MCHR2: variants seen among roughly 807,000 people sequenced by gnomAD.
MCHR2 encodes melanin-concentrating hormone receptor 2.
A neutral mutation model predicts 24.8 loss-of-function variants in MCHR2; 15 were observed. That is an observed-to-expected ratio of 0.60 (90% CI 0.40 to 0.93). The LOEUF (loss-of-function observed/expected upper bound fraction) is 0.93. Ranked by LOEUF, MCHR2 falls within the 40% of genes least tolerant of loss-of-function variation. MCHR2 has a pLI of 0.00. For synonymous variants in MCHR2, 151 were observed against 147.6 expected, an observed-to-expected ratio of 1.02 and a Z score of -0.17; for missense variants, 386 against 408.7, an observed-to-expected ratio of 0.94 and a Z score of 0.48.
At chr6:99,958,982 G>C (rs1295854736) in intron 1 of MCHR2, among the ~76,000 whole-genome samples, 1 of 152,176 alleles carries the variant, frequency 6.6e-6, no homozygotes, top group African/African-American at 2.4e-5. Context: ...TGCTGCTCCA[G>C]AGGACCTGTG....
intron 1 of MCHR2, among the ~76,000 whole-genome samples, chr6:99,989,115 A>C (rs1775819845): frequency 6.6e-6 from 1 of 152,218 alleles, no homozygotes; most frequent in African/African-American, 2.4e-5. Context: ...AGAGGGTCTA[A>C]GATCATATGA....
chr6:99,976,267 T>C (rs1391187813), intron 1 of MCHR2, among the ~76,000 whole-genome samples: 1 of 152,222 alleles, frequency 6.6e-6, no homozygotes, highest in African/African-American at 2.4e-5. Flanking sequence ...AATGATGATA[T>C]AACATCCATT....
intron 2 of MCHR2, among the ~76,000 whole-genome samples, chr6:99,954,705 AG>A (rs1194196912): frequency 6.6e-6 from 1 of 152,168 alleles, no homozygotes; most frequent in Non-Finnish European, 1.5e-5. Context: ...AGTTTAAGAA[AG>A]TGATTGTTTA....
intron 3 of MCHR2, 126 bp downstream of exon 3, chr6:99,947,636 T>C (rs866827852): frequency 4.7e-6 from 4 of 847,982 alleles, no homozygotes; most frequent in Middle Eastern, 6.7e-4. Context: ...TAATCAGTTC[T>C]ACAGTGAAAC....
At chr6:99,987,637 T>A (rs1035394869) in intron 1 of MCHR2, among the ~76,000 whole-genome samples, 1 of 152,134 alleles carries the variant, frequency 6.6e-6, no homozygotes, top group Non-Finnish European at 1.5e-5. Context: ...AAAGTCTGCA[T>A]ACACACACAT....
At chr6:99,967,058 T>TTATACTTTGAAACTTTTTTATAC (rs1426808180) in intron 1 of MCHR2, among the ~76,000 whole-genome samples, 3 of 152,144 alleles carry the variant, frequency 2.0e-5, no homozygotes, top group African/African-American at 7.2e-5. Flanking sequence ...ATAAACTTTT[T>TTATACTTTGAAACTTTTTTATAC]TCTCATTCCT....
Position 99,956,192 on chromosome 6 carries a change from G to A in MCHR2, c.-27-18C>T. 1 of 1,498,546 alleles carries A rather than the reference G, an allele frequency of 6.7e-7. No individual in the cohort carries two copies. The highest frequency in any genetic ancestry group is 9.1e-7 in the Non-Finnish European group (1 of 1,102,802). 92.8% of individuals were successfully genotyped at this position (1,498,546 alleles called of 1,614,324 possible). On this transcript the variant is annotated intron_variant, in intron 1 of 5. Coordinates refer to ENST00000281806, the MANE Select transcript of MCHR2 (RefSeq NM_001040179.2). The stretch of plus-strand genomic sequence containing the variant: ...GATTAAAGCTGTGAAGTAATAGGAA[G>A]TGATTTATTTAGTGAACATTCCCTC...
chr6:99,925,629 C>T (rs943145130), intron 5 of MCHR2, among the ~76,000 whole-genome samples: 43 of 151,686 alleles, frequency 2.8e-4, no homozygotes, highest in Admixed American at 1.9e-3. Flanking sequence ...ATTATTTTAA[C>T]CTGATAACAA....
At chr6:99,932,193 C>T (rs1359134968) in intron 5 of MCHR2, among the ~76,000 whole-genome samples, 1 of 152,084 alleles carries the variant, frequency 6.6e-6, no homozygotes, top group African/African-American at 2.4e-5. Flanking sequence ...CCACTCTCTC[C>T]TGGCATGTAA....
chr6:99,940,676 CTG>C (rs1380387175), intron 4 of MCHR2, among the ~76,000 whole-genome samples: 8 of 151,890 alleles, frequency 5.3e-5, no homozygotes, highest in African/African-American at 1.4e-4. Flanking sequence ...CCAGTCTTCT[CTG>C]TCTGAGTTGT....
intron 4 of MCHR2, among the ~76,000 whole-genome samples, chr6:99,935,247 A>T (rs1002504393): frequency 1.3e-5 from 2 of 152,052 alleles, no homozygotes; most frequent in African/African-American, 4.8e-5. Flanking sequence ...GCTATTTTGA[A>T]ATGTACAATA....
At position 99,919,553 on chromosome 6, in the gene MCHR2, T is replaced by C. The variant is rs1774182490; in HGVS notation, c.*1387A>G. On this transcript the variant is annotated 3_prime_UTR_variant, in exon 6 of 6. Transcript: ENST00000281806. ...GCAAAAATAACAATATTTGTCTTAG[T>C]GTAGAACACAGGCATTAAATGCATT... Among the ~76,000 whole-genome samples the C allele has an allele frequency of 6.6e-6, 1 of 152,198 alleles. No homozygotes were observed. Among genetic ancestry groups the C allele is most frequent in the Admixed American group, 6.5e-5 (1 of 15,280 alleles).
chr6:99,991,833 A>T (rs1188187491), intron 1 of MCHR2, among the ~76,000 whole-genome samples: 1 of 147,954 alleles, frequency 6.8e-6, no homozygotes, highest in African/African-American at 2.5e-5. Context: ...AAAAGAAAAG[A>T]AAAAAGAAAT....
At chr6:99,957,822 A>G (rs563378973) in intron 1 of MCHR2, among the ~76,000 whole-genome samples, 17 of 152,252 alleles carry the variant, frequency 1.1e-4, no homozygotes, top group Admixed American at 1.0e-3. Context: ...AAAAATTATA[A>G]CATTTAACTG....
intron 1 of MCHR2, among the ~76,000 whole-genome samples, chr6:99,987,463 GATTAGTTCTACA>G (rs1278527403): frequency 6.6e-6 from 1 of 151,974 alleles, no homozygotes; most frequent in Non-Finnish European, 1.5e-5. Flanking sequence ...CTTGCTTTAG[GATTAGTTCTACA>G]ATTAAATACA....
chr6:99,992,240 T>A (rs1161302007), intron 1 of MCHR2, among the ~76,000 whole-genome samples: 1 of 152,232 alleles, frequency 6.6e-6, no homozygotes, highest in East Asian at 1.9e-4. Context: ...GACAGTGTCC[T>A]GAGCCATAGT....
intron 1 of MCHR2, among the ~76,000 whole-genome samples, chr6:99,956,855 A>G (rs1318246175): frequency 6.6e-6 from 1 of 152,152 alleles, no homozygotes; most frequent in African/African-American, 2.4e-5. Flanking sequence ...AAGACATTTT[A>G]AAAATATCAT....
chr6:99,972,508 A>G (rs924652170), intron 1 of MCHR2, among the ~76,000 whole-genome samples: 4 of 152,066 alleles, frequency 2.6e-5, no homozygotes, highest in African/African-American at 9.7e-5. Context: ...CTTTCAAAAA[A>G]CCAGCTCCTG....
chr6:99,930,735 T>C (rs1241812334), intron 5 of MCHR2, among the ~76,000 whole-genome samples: 1 of 152,190 alleles, frequency 6.6e-6, no homozygotes, highest in South Asian at 2.1e-4. Context: ...TAGTTATGCA[T>C]TCGTCTAAAT....
Sources: allele counts gnomAD v4.1 joint callset (sites outside exome capture counted in the v4.1 genomes callset), GRCh38; gene constraint gnomAD v4.1.1; transcripts MANE v1.5; gene names NCBI Gene and HGNC (gene_info 2026-07-23, HGNC 2026-07-21).